Variants in ELP3 observed in about 807,000 individuals in gnomAD.
ELP3 encodes elongator acetyltransferase complex subunit 3.
In ELP3, 56 loss-of-function variants were observed where a neutral mutation model predicts 74.9. The ratio of observed to expected loss-of-function variants is 0.75; its 90% confidence interval spans 0.60 to 0.93. The LOEUF (loss-of-function observed/expected upper bound fraction) is 0.93. Ranked by LOEUF, ELP3 falls within the 40% of genes least tolerant of loss-of-function variation. The pLI, the probability that ELP3 is intolerant of heterozygous loss-of-function variation, is 0.00. For missense variants in ELP3, 573 were observed against 686.5 expected (o/e 0.83, Z 1.85); for synonymous variants, 222 against 239.8 (o/e 0.93, Z 0.68).
chr8:28,093,483 A>G lies in ELP3; in HGVS notation c.19+250A>G, dbSNP rs1455267800. 5.2e-5 allele frequency: 30 copies of G among 579,230 alleles called. No individual in the cohort carries two copies. In the Middle Eastern group the frequency reaches 1.4e-3, roughly 27 times the overall value. 35.9% of individuals were successfully genotyped at this position (579,230 alleles called of 1,614,324 possible). A position where few individuals can be genotyped will look rare whatever the true frequency, so the allele number is the denominator to read the frequency against. Reference sequence around the variant, plus strand: ...GGTGTCTTGTTTGAATGGCAGGGAAACCATTATTCCAATATATGCCCTCCG... The same window carrying G: ...GGTGTCTTGTTTGAATGGCAGGGAAGCCATTATTCCAATATATGCCCTCCG... On this transcript the variant is annotated intron_variant, in intron 1 of 14. Coordinates refer to ENST00000256398, the MANE Select transcript of ELP3 (RefSeq NM_018091.6).
chr8:28,131,972 T>C (rs1169827264), intron 8 of ELP3, among the ~76,000 whole-genome samples: 1 of 152,212 alleles, frequency 6.6e-6, no homozygotes, highest in Non-Finnish European at 1.5e-5. Context: ...TTAATACACA[T>C]TAACTTTTGC....
intron 14 of ELP3, 100 bp from the exon 15 acceptor site, chr8:28,189,549 G>A (rs1815373724): frequency 1.9e-6 from 2 of 1,037,944 alleles, no homozygotes; most frequent in South Asian, 2.7e-5. Context: ...AGAGAATTTG[G>A]TCTCTGGGTG....
chr8:28,189,595 C>T (rs1270195126), intron 14 of ELP3, 54 bp from the exon 15 acceptor site: 1 of 1,590,444 alleles, frequency 6.3e-7, no homozygotes, highest in Non-Finnish European at 8.6e-7. Context: ...CACATGCCGA[C>T]TTTTGAGAAT....
intron 14 of ELP3, among the ~76,000 whole-genome samples, chr8:28,164,506 A>G (rs920547086): frequency 2.6e-5 from 4 of 152,138 alleles, no homozygotes; most frequent in Non-Finnish European, 1.5e-5. Context: ...CAGCCCTGGA[A>G]TGCCTTCTTG....
At chr8:28,102,478 AAC>A (rs1227930013) in intron 3 of ELP3, among the ~76,000 whole-genome samples, 1 of 152,212 alleles carries the variant, frequency 6.6e-6, no homozygotes, top group African/African-American at 2.4e-5. Context: ...ATGCATCTTT[AAC>A]AGTGTCACAA....
At chr8:28,108,457 C>CTTTTTTTTTTTTTT (rs33948469) in intron 5 of ELP3, among the ~76,000 whole-genome samples, 2 of 117,572 alleles carry the variant, frequency 1.7e-5, no homozygotes, top group Non-Finnish European at 3.4e-5. Context: ...ATTTTTTTTT[C>CTTTTTTTTTTTTTT]TTTTTTTTTT....
chr8:28,174,323 T>C (rs148416911), intron 14 of ELP3, among the ~76,000 whole-genome samples: 38 of 152,276 alleles, frequency 2.5e-4, no homozygotes, highest in Non-Finnish European at 4.7e-4. Context: ...TTCCTGATCA[T>C]TGAACATTTA....
chr8:28,132,181 C>G (rs912219800), intron 8 of ELP3, 97 bp from the exon 9 acceptor site: 22 of 1,335,906 alleles, frequency 1.6e-5, no homozygotes, highest in Non-Finnish European at 2.2e-5. Context: ...TTGTTTTCCC[C>G]TTGTTCCTTG....
intron 14 of ELP3, 96 bp downstream of exon 14, chr8:28,162,174 T>C: frequency 7.9e-7 from 1 of 1,260,638 alleles, no homozygotes; most frequent in Non-Finnish European, 1.1e-6. Flanking sequence ...CTGTTGATGG[T>C]TATTACGTTC....
At chr8:28,148,678 A>G (rs1047388141) in intron 10 of ELP3, among the ~76,000 whole-genome samples, 41 of 152,224 alleles carry the variant, frequency 2.7e-4, no homozygotes, top group African/African-American at 9.6e-4. Flanking sequence ...CACTTTCTGT[A>G]TCGACTAATA....
chr8:28,139,663 G>C (rs548191490), intron 10 of ELP3, among the ~76,000 whole-genome samples: 1 of 152,244 alleles, frequency 6.6e-6, no homozygotes, highest in South Asian at 2.1e-4. Context: ...ATAATCTAGA[G>C]GCCAGGCGTG....
At chr8:28,122,988 G>T (rs1415046341) in intron 7 of ELP3, among the ~76,000 whole-genome samples, 1 of 152,204 alleles carries the variant, frequency 6.6e-6, no homozygotes, top group African/African-American at 2.4e-5. Flanking sequence ...GCCATGTGTG[G>T]TGGCACGCAC....
In ELP3 at chr8:28,189,849, C is replaced by T. The variant is rs966795817; in HGVS notation, c.*124C>T. On this transcript the variant is annotated 3_prime_UTR_variant, in exon 15 of 15. Coordinates refer to ENST00000256398, the MANE Select transcript of ELP3 (RefSeq NM_018091.6). ...GGGGGGCTTCACCCTCATCCCGCAG[C>T]TGCAGAGACTGGAAACTGCCTTCAA... 10 of 1,031,308 alleles carry T rather than the reference C, an allele frequency of 9.7e-6. No homozygotes were observed. In the Admixed American group the frequency reaches 2.0e-4, roughly 21 times the overall value. The allele number at this position is 1,031,308 out of a possible 1,614,324, so 63.9% of individuals were successfully genotyped here.
intron 14 of ELP3, among the ~76,000 whole-genome samples, chr8:28,168,979 A>G (rs1585739618): frequency 6.6e-6 from 1 of 152,196 alleles, no homozygotes; most frequent in African/African-American, 2.4e-5. Context: ...TCTAATTCCA[A>G]CAGAACACAT....
At chr8:28,169,126 C>G (rs1162843774) in intron 14 of ELP3, among the ~76,000 whole-genome samples, 1 of 152,184 alleles carries the variant, frequency 6.6e-6, no homozygotes, top group Admixed American at 6.5e-5. Context: ...TGCACCCCAT[C>G]CTCTAGTCCC....
intron 2 of ELP3, 67 bp downstream of exon 2, chr8:28,097,385 G>GAA: frequency 2.0e-6 from 2 of 1,005,814 alleles, no homozygotes; most frequent in Admixed American, 4.4e-5. Flanking sequence ...AAATTATCTA[G>GAA]TACTACTTGT....
At chr8:28,117,719 A>G (rs1006298157) in intron 7 of ELP3, among the ~76,000 whole-genome samples, 1 of 152,062 alleles carries the variant, frequency 6.6e-6, no homozygotes, top group East Asian at 1.9e-4. Flanking sequence ...CTATATTTTT[A>G]TGAGATCATC....
chr8:28,140,614 A>C (rs1007842774), intron 10 of ELP3, among the ~76,000 whole-genome samples: 7 of 152,158 alleles, frequency 4.6e-5, no homozygotes, highest in African/African-American at 1.7e-4. Context: ...AGCTGAGGTC[A>C]AACAGGTGGT....
In ELP3 at chr8:28,113,274, A is replaced by T. The variant is rs183372504; in HGVS notation, c.617+101A>T. ...CCTTCTGCCCTGCATCCACATTCTTACTTCTCATAATCTTTCTTGTTTCAT... is the reference window on the plus strand; with the variant it reads ...CCTTCTGCCCTGCATCCACATTCTTTCTTCTCATAATCTTTCTTGTTTCAT... On this transcript the variant is annotated intron_variant, in intron 7 of 14. Transcript: ENST00000256398. 358 of 787,222 alleles carry T rather than the reference A, an allele frequency of 4.5e-4. 3 individuals carry two copies. In the African/African-American group the frequency reaches 5.7e-3, roughly 13 times the overall value. The allele number at this position is 787,222 out of a possible 1,614,324, so 48.8% of individuals were successfully genotyped here. A position where few individuals can be genotyped will look rare whatever the true frequency, so the allele number is the denominator to read the frequency against.
Sources: allele counts gnomAD v4.1 joint callset (sites outside exome capture counted in the v4.1 genomes callset), GRCh38; gene constraint gnomAD v4.1.1; transcripts MANE v1.5; gene names NCBI Gene and HGNC (gene_info 2026-07-23, HGNC 2026-07-21).